UNC13B: variants seen among roughly 807,000 people sequenced by gnomAD.
The protein encoded by UNC13B is unc-13 homolog B.
In UNC13B, 144 loss-of-function variants were observed where a neutral mutation model predicts 211.0. The observed-to-expected ratio is 0.68, with a 90% CI of 0.60 to 0.78. The LOEUF is 0.78. Ranked by LOEUF, UNC13B falls within the 30% of genes least tolerant of loss-of-function variation. The pLI, the probability that UNC13B is intolerant of heterozygous loss-of-function variation, is 0.00. For missense variants in UNC13B, 1,777 were observed against 2,002.0 expected, an observed-to-expected ratio of 0.89 and a Z score of 2.14; for synonymous variants, 709 against 725.8, an observed-to-expected ratio of 0.98 and a Z score of 0.37.
intron 7 of UNC13B, among the ~76,000 whole-genome samples, chr9:35,283,079 A>G (rs1031491814): frequency 6.6e-6 from 1 of 152,208 alleles, no homozygotes; most frequent in Non-Finnish European, 1.5e-5. Flanking sequence ...ACAATACTAT[A>G]GTGAGCAACT....
chr9:35,404,037 C>G lies in UNC13B; in HGVS notation c.*4C>G. On this transcript the variant is annotated 3_prime_UTR_variant, in exon 40 of 40. Coordinates refer to ENST00000635942, the MANE Select transcript of UNC13B (RefSeq NM_001371189.2). Reference sequence around the variant, plus strand: ...TTCCACGGAGGAGGGGAGCTGAACACCTTCGACTCCTGTGCCAATCAGGCA... The same window carrying G: ...TTCCACGGAGGAGGGGAGCTGAACAGCTTCGACTCCTGTGCCAATCAGGCA... 6.2e-7 allele frequency: 1 copy of G among 1,609,674 alleles called. No homozygotes were observed. Among genetic ancestry groups the G allele is most frequent in the African/African-American group, 1.3e-5 (1 of 74,958 alleles).
At chr9:35,318,589 C>T (rs2131897786) in intron 11 of UNC13B, among the ~76,000 whole-genome samples, 1 of 152,282 alleles carries the variant, frequency 6.6e-6, no homozygotes, top group East Asian at 1.9e-4. Flanking sequence ...GAGATCCTTC[C>T]ATATCAGCTC....
intron 1 of UNC13B, among the ~76,000 whole-genome samples, chr9:35,195,700 A>C (rs1822897646): frequency 1.3e-5 from 2 of 152,340 alleles, no homozygotes; most frequent in Admixed American, 1.3e-4. Flanking sequence ...AGAGGGCCAT[A>C]CTGGCCCTGA....
chr9:35,298,781 T>C (rs1384583689), intron 8 of UNC13B, among the ~76,000 whole-genome samples: 1 of 152,196 alleles, frequency 6.6e-6, no homozygotes, highest in Non-Finnish European at 1.5e-5. Flanking sequence ...AAGAAGGCAG[T>C]CTTTAATCTA....
intron 7 of UNC13B, among the ~76,000 whole-genome samples, chr9:35,275,404 A>G (rs1828116415): frequency 6.6e-6 from 1 of 152,136 alleles, no homozygotes; most frequent in Non-Finnish European, 1.5e-5. Flanking sequence ...TAAAATATTA[A>G]AGGGAGTATA....
At chr9:35,167,816 G>C (rs185806203) in intron 1 of UNC13B, among the ~76,000 whole-genome samples, 12 of 149,084 alleles carry the variant, frequency 8.0e-5, no homozygotes, top group African/African-American at 3.0e-4. Flanking sequence ...TGTTGGCCAG[G>C]CTGGTGTTGA....
intron 13 of UNC13B, chr9:35,371,996 T>C (rs1834157440): frequency 6.5e-6 from 1 of 152,838 alleles, no homozygotes; most frequent in Non-Finnish European, 1.5e-5. Context: ...CCCTGGCTGG[T>C]TGCAGTGGCT....
intron 11 of UNC13B, among the ~76,000 whole-genome samples, chr9:35,357,422 GT>G (rs555773170): frequency 2.0e-5 from 3 of 150,970 alleles, no homozygotes; most frequent in South Asian, 2.1e-4. Flanking sequence ...TTAAATTGAG[GT>G]TTTTTTTCGT....
At chr9:35,334,661 A>G (rs530706165) in intron 11 of UNC13B, among the ~76,000 whole-genome samples, 35 of 152,340 alleles carry the variant, frequency 2.3e-4, no homozygotes, top group African/African-American at 7.5e-4. Flanking sequence ...TCTTGAGGTC[A>G]AGAACTGATC....
chr9:35,200,815 A>C (rs962165632), intron 1 of UNC13B, among the ~76,000 whole-genome samples: 2 of 152,184 alleles, frequency 1.3e-5, no homozygotes, highest in African/African-American at 4.8e-5. Flanking sequence ...TTCCTAATTG[A>C]ATACCCTTTA....
chr9:35,269,417 A>G (rs1023746290), intron 7 of UNC13B, among the ~76,000 whole-genome samples: 3 of 152,152 alleles, frequency 2.0e-5, no homozygotes, highest in Non-Finnish European at 2.9e-5. Flanking sequence ...CTGTGGGTGC[A>G]TTTTTGTTCA....
At chr9:35,226,550 C>T (rs540546308) in intron 1 of UNC13B, among the ~76,000 whole-genome samples, 5 of 152,194 alleles carry the variant, frequency 3.3e-5, no homozygotes, top group Non-Finnish European at 5.9e-5. Flanking sequence ...GGGAAGCCGA[C>T]AGTGCAGCCT....
intron 26 of UNC13B, among the ~76,000 whole-genome samples, chr9:35,391,462 A>T (rs1208518288): frequency 1.3e-5 from 2 of 152,212 alleles, no homozygotes; most frequent in African/African-American, 4.8e-5. Flanking sequence ...TTTGGGTGGG[A>T]TGGCAGGGCA....
chr9:35,330,652 G>A (rs572283744), intron 11 of UNC13B, among the ~76,000 whole-genome samples: 2 of 152,344 alleles, frequency 1.3e-5, no homozygotes, highest in Non-Finnish European at 2.9e-5. Context: ...CTTGTCAGTA[G>A]CAATACGGAT....
At chr9:35,169,986 G>C (rs1199961669) in intron 1 of UNC13B, among the ~76,000 whole-genome samples, 1 of 152,096 alleles carries the variant, frequency 6.6e-6, no homozygotes, top group East Asian at 1.9e-4. Context: ...AGAGGCCACG[G>C]AATCTAGATA....
At position 35,243,592 on chromosome 9, in the gene UNC13B, G is replaced by A. The variant is rs571872187; in HGVS notation, c.468+228G>A. On this transcript the variant is annotated intron_variant, in intron 6 of 39. Transcript: ENST00000635942. ...CCCATACTGTGGTACTAGTCTGGCT[G>A]TAGACTCTTAGAGAGGGAGCTTGTA... is the stretch of plus-strand genomic sequence containing the variant. 2.2e-4 allele frequency among the ~76,000 whole-genome samples: 33 copies of A among 152,290 alleles called. No individual in the cohort carries two copies. In the South Asian group the frequency reaches 6.6e-3, roughly 31 times the overall value.
intron 1 of UNC13B, among the ~76,000 whole-genome samples, chr9:35,186,618 C>G (rs1822374883): frequency 6.6e-6 from 1 of 151,114 alleles, no homozygotes; most frequent in African/African-American, 2.4e-5. Context: ...AGGGGACTTC[C>G]AAGAGGAAAA....
At chr9:35,385,079 G>T in intron 22 of UNC13B, 1 of 985,414 alleles carries the variant, frequency 1.0e-6, no homozygotes, top group East Asian at 1.1e-4. Flanking sequence ...GCCATTTGAA[G>T]GTTTAAAAAC....
At position 35,404,220 on chromosome 9, in the gene UNC13B, C is replaced by A. The variant is rs1329505291; in HGVS notation, c.*187C>A. The stretch of plus-strand genomic sequence containing the variant: ...CACAGAAAGGGTCATGAAGCCCTGG[C>A]CCAACAGGACTGTGGTACTAGGGGC... On this transcript the variant is annotated 3_prime_UTR_variant, in exon 40 of 40. Coordinates refer to ENST00000635942, the MANE Select transcript of UNC13B (RefSeq NM_001371189.2). 6.9e-6 allele frequency: 5 copies of A among 725,650 alleles called. No homozygotes were observed. In the East Asian group the frequency reaches 1.4e-4, roughly 20 times the overall value. 45.0% of individuals were successfully genotyped at this position (725,650 alleles called of 1,614,324 possible).
Sources: allele counts gnomAD v4.1 joint callset (sites outside exome capture counted in the v4.1 genomes callset), GRCh38; gene constraint gnomAD v4.1.1; transcripts MANE v1.5; gene names NCBI Gene and HGNC (gene_info 2026-07-23, HGNC 2026-07-21).